The following PLEKHG5 variants were observed in gnomAD, a reference collection of about 807,000 sequenced individuals.
PLEKHG5 encodes the protein pleckstrin homology and RhoGEF domain containing G5.
Under a neutral mutation model 103.8 loss-of-function variants are expected in PLEKHG5, and 52 were observed. That is an observed-to-expected ratio of 0.50 (90% CI 0.40 to 0.63). The LOEUF is 0.63. Among genes scored for constraint, PLEKHG5 ranks in the 30% least tolerant of loss-of-function variants. The pLI is 0.00. For missense variants in PLEKHG5, 1,205 were observed against 1,347.6 expected (o/e 0.89, Z 1.66); for synonymous variants, 592 against 575.5 (o/e 1.03, Z -0.41).
At chr1:6,510,426 A>T (rs1308372126) in intron 1 of PLEKHG5, among the ~76,000 whole-genome samples, 1 of 152,088 alleles carries the variant, frequency 6.6e-6, no homozygotes, top group Admixed American at 6.5e-5. Context: ...CCCCGTCTCT[A>T]CTAAAAATAC....
At chr1:6,473,951 G>A (rs979966489) in intron 7 of PLEKHG5, 62 bp downstream of exon 7, 5 of 1,480,290 alleles carry the variant, frequency 3.4e-6, no homozygotes, top group Middle Eastern at 2.4e-4. Context: ...TCTGAGGAGG[G>A]GCTGTGGGCC....
At chr1:6,504,507 C>A (rs1638247382) in intron 1 of PLEKHG5, among the ~76,000 whole-genome samples, 1 of 152,182 alleles carries the variant, frequency 6.6e-6, no homozygotes, top group African/African-American at 2.4e-5. Context: ...GGACGCCTGG[C>A]CTTCATGCCC....
chr1:6,483,434 C>T (rs947843848), intron 1 of PLEKHG5, among the ~76,000 whole-genome samples: 2 of 152,216 alleles, frequency 1.3e-5, no homozygotes, highest in Non-Finnish European at 2.9e-5. Context: ...TGGTTTCTGT[C>T]TTAATCTATC....
In PLEKHG5 at chr1:6,469,084, G is replaced by A; in HGVS notation, c.2207C>T (p.Thr736Ile). ...GCTGCCGCTGCTTTTCCGCATGATGGTAGGGGAGCTGGCAGCTGAAGTGCC... is the reference window on the plus strand; with the variant it reads ...GCTGCCGCTGCTTTTCCGCATGATGATAGGGGAGCTGGCAGCTGAAGTGCC... ...DSGTSAASSP[T>I]IMRKSSGSPD... The change falls in exon 19 of 21, where the codon ACC (threonine) becomes ATC (isoleucine). Residue 736 changes from threonine (T) to isoleucine (I), a missense_variant. Thr to Ile is a moderately conservative substitution (Grantham distance 89). Coordinates refer to ENST00000377728, the MANE Select transcript of PLEKHG5 (RefSeq NM_020631.6). 1.9e-6 allele frequency: 3 copies of A among 1,613,232 alleles called. No homozygotes were observed. Among genetic ancestry groups the A allele is most frequent in the South Asian group, 2.2e-5 (2 of 91,080 alleles).
rs749625445 is a variant in PLEKHG5 at position 6,470,893 on chromosome 1, G to C, written c.1393-9C>G. ...GGGTGCTTCTCCGCCCACTGCGGTG[G>C]GGGAGTGGGGGCGGGCTCAGGGCAG... On this transcript the variant is annotated splice_polypyrimidine_tract_variant and intron_variant, in intron 13 of 20. Transcript: ENST00000377728. 4 of 1,412,680 alleles carry C rather than the reference G, an allele frequency of 2.8e-6. No individual in the cohort carries two copies. The South Asian group carries it at 5.0e-5, about 17-fold the overall frequency. 87.5% of individuals were successfully genotyped at this position (1,412,680 alleles called of 1,614,324 possible).
At chr1:6,482,671 G>A (rs1448969642) in intron 1 of PLEKHG5, among the ~76,000 whole-genome samples, 1 of 152,134 alleles carries the variant, frequency 6.6e-6, no homozygotes, top group Non-Finnish European at 1.5e-5. Flanking sequence ...CACTGTGTGT[G>A]GGGCTCTGGA....
chr1:6,470,272 C>T lies in PLEKHG5; in HGVS notation c.1764G>A (p.Glu588=). 1.2e-6 allele frequency: 2 copies of T among 1,614,046 alleles called. No individual in the cohort carries two copies. Among genetic ancestry groups the T allele is most frequent in the Non-Finnish European group, 1.7e-6 (2 of 1,180,004 alleles). ...SPEETRQLLL[E]GSLRMKEGKD... Reference sequence around the variant, plus strand: ...TCCCCTCCTTCATCCTCAGGCTCCCCTCCAGCAGCAGCTGCCGCGTCTCCT... The same window carrying T: ...TCCCCTCCTTCATCCTCAGGCTCCCTTCCAGCAGCAGCTGCCGCGTCTCCT... The change falls in exon 16 of 21, where the codon GAG becomes GAA. Residue 588 remains glutamate, a synonymous_variant. Coordinates refer to ENST00000377728, the MANE Select transcript of PLEKHG5 (RefSeq NM_020631.6).
chr1:6,472,843 A>T (rs1644634831), intron 9 of PLEKHG5, 143 bp downstream of exon 9: 3 of 838,594 alleles, frequency 3.6e-6, no homozygotes, highest in Non-Finnish European at 6.0e-6. Flanking sequence ...CACCATTTTC[A>T]TCTAGCCTCA....
At chr1:6,509,804 A>C (rs1638425563) in intron 1 of PLEKHG5, among the ~76,000 whole-genome samples, 1 of 152,198 alleles carries the variant, frequency 6.6e-6, no homozygotes, top group Non-Finnish European at 1.5e-5. Context: ...AGAGCCCCCC[A>C]GGGTGTCATC....
chr1:6,469,677 CT>C lies in PLEKHG5; in HGVS notation c.1801-2del. On this transcript the variant is annotated splice_acceptor_variant, in intron 16 of 20. Transcript: ENST00000377728. LOFTEE classifies it high-confidence loss of function. Reference sequence around the variant, plus strand: ...TGAAGAGGAAGCAGTACACATCCATCTGCAGTGGCAGGAGGGGGGGTGGCCA... The same window carrying C: ...TGAAGAGGAAGCAGTACACATCCATCGCAGTGGCAGGAGGGGGGGTGGCCA... The C allele has an allele frequency of 1.2e-6, 2 of 1,612,350 alleles. No homozygotes were observed. The highest frequency in any genetic ancestry group is 1.7e-6 in the Non-Finnish European group (2 of 1,179,480).
intron 1 of PLEKHG5, among the ~76,000 whole-genome samples, chr1:6,516,777 G>A (rs12744407): frequency 2.7e-4 from 21 of 76,668 alleles, no homozygotes; most frequent in Non-Finnish European, 4.6e-4. Flanking sequence ...GTATATATAT[G>A]TGTGTGTGTT....
At chr1:6,494,844 C>T (rs562325491), upstream of PLEKHG5, among the ~76,000 whole-genome samples, 110 of 152,380 alleles carry the variant, frequency 7.2e-4, no homozygotes, top group Admixed American at 7.0e-3. Flanking sequence ...GGCCCAGACT[C>T]TCCCCGTGCA....
At position 6,467,976 on chromosome 1, in the gene PLEKHG5, T is replaced by C; in HGVS notation, c.2860A>G (p.Arg954Gly). The stretch of plus-strand genomic sequence containing the variant: ...GAGGGCAGGTCTCCACACCTCTTCC[T>C]GTGGGAGCCTGCAGGTTCCCCGGCC... ...CLAGEPAGSH[R>G]KRCGDLPSGA... The change falls in exon 20 of 21, where the codon AGG becomes GGG. Residue 954 changes from arginine to glycine, a missense_variant. Physicochemically the swap from Arg to Gly is moderately radical, Grantham distance 125. Coordinates refer to ENST00000377728, the MANE Select transcript of PLEKHG5 (RefSeq NM_020631.6). 1 of 1,558,802 alleles carries C rather than the reference T, an allele frequency of 6.4e-7. No individual in the cohort carries two copies. Among genetic ancestry groups the C allele is most frequent in the Non-Finnish European group, 8.7e-7 (1 of 1,153,532 alleles).
At chr1:6,472,484 G>C in intron 10 of PLEKHG5, 43 bp downstream of exon 10, 4 of 1,339,670 alleles carry the variant, frequency 3.0e-6, no homozygotes, top group Non-Finnish European at 4.3e-6. Context: ...GTCAGAAAGA[G>C]GGGGGCAGGG....
chr1:6,500,656 TC>T (rs1229171031), upstream of PLEKHG5, among the ~76,000 whole-genome samples: 1 of 105,726 alleles, frequency 9.5e-6, no homozygotes, highest in Non-Finnish European at 1.9e-5. Context: ...AACCCTGAAC[TC>T]CCCCCACCCC....
At chr1:6,516,905 TACAC>T (rs965278417) in intron 1 of PLEKHG5, among the ~76,000 whole-genome samples, 3 of 9,254 alleles carry the variant, frequency 3.2e-4, no homozygotes, top group African/African-American at 5.5e-4. Flanking sequence ...TATATATATA[TACAC>T]ACACACACAC....
chr1:6,518,232 G>A (rs1205671828), intron 1 of PLEKHG5, among the ~76,000 whole-genome samples: 4 of 151,004 alleles, frequency 2.6e-5, no homozygotes, highest in East Asian at 2.0e-4. Context: ...GCGCCCGGCC[G>A]TGTCATGGCG....
upstream of PLEKHG5, among the ~76,000 whole-genome samples, chr1:6,500,684 C>A (rs1645287234): frequency 6.6e-6 from 1 of 151,398 alleles, no homozygotes; most frequent in African/African-American, 2.4e-5. Context: ...GACCTGGAAC[C>A]ATGAACTACC....
At chr1:6,518,315 C>G (rs1638682458) in intron 1 of PLEKHG5, among the ~76,000 whole-genome samples, 1 of 151,358 alleles carries the variant, frequency 6.6e-6, no homozygotes, top group South Asian at 2.1e-4. Flanking sequence ...AATCCCAGCA[C>G]TTTGGGAGGC....
Sources: allele counts gnomAD v4.1 joint callset (sites outside exome capture counted in the v4.1 genomes callset), GRCh38; gene constraint gnomAD v4.1.1; transcripts MANE v1.5; gene names NCBI Gene and HGNC (gene_info 2026-07-23, HGNC 2026-07-21).